Variants in GPR137B observed in about 807,000 individuals in gnomAD.
GPR137B encodes integral membrane protein GPR137B.
GPR137B carries 42 observed loss-of-function variants against 42.5 expected under a neutral mutation model. That is an observed-to-expected ratio of 0.99 (90% confidence interval 0.77 to 1.28). GPR137B has a LOEUF of 1.28. Among genes scored for constraint, GPR137B ranks in the 50% most tolerant of loss-of-function variants. The probability of loss-of-function intolerance (pLI) is 0.00; values close to 1 mark genes in which losing one functional copy is unlikely to be tolerated. For missense variants in GPR137B, 487 were observed against 493.9 expected, an observed-to-expected ratio of 0.99 and a Z score of 0.13; for synonymous variants, 218 against 209.7, an observed-to-expected ratio of 1.04 and a Z score of -0.34.
chr1:236,153,272 A>G (rs1661922500), intron 1 of GPR137B, among the ~76,000 whole-genome samples: 1 of 152,084 alleles, frequency 6.6e-6, no homozygotes. Context: ...TTAAGCAATC[A>G]CTACTCAGTC....
chr1:236,168,201 C>A (rs1348870076), intron 1 of GPR137B, among the ~76,000 whole-genome samples: 2 of 151,922 alleles, frequency 1.3e-5, no homozygotes, highest in African/African-American at 4.8e-5. Flanking sequence ...CTGAGGTGGG[C>A]AGATCACCTG....
rs762287985 is a variant in GPR137B at position 236,208,155 on chromosome 1, G to T, written c.1197G>T (p.Gly399=). Residue 399 remains glycine (G), a synonymous_variant, in exon 7 of 7, where the codon GGG becomes GGT. Transcript: ENST00000366592. The part of the protein sequence containing the change: ...STLDPDKPSL[G] ...TGGATCCTGACAAACCAAGCCTTGG[G>T]TAGCATCAGTTAACAGTTTTATGGA... 1 of 1,613,554 alleles carries T rather than the reference G, an allele frequency of 6.2e-7. No homozygotes were observed. The highest frequency in any genetic ancestry group is 8.5e-7 in the Non-Finnish European group (1 of 1,179,662).
intron 3 of GPR137B, 51 bp from the exon 4 acceptor site, chr1:236,179,828 C>T: frequency 1.4e-6 from 2 of 1,407,934 alleles, no homozygotes; most frequent in Non-Finnish European, 1.9e-6. Flanking sequence ...GGGGAAGGGG[C>T]TGGTGTCTTG....
chr1:236,186,277 A>ATATATATAATAT (rs1553365185), intron 5 of GPR137B, among the ~76,000 whole-genome samples: 1 of 17,958 alleles, frequency 5.6e-5, no homozygotes, highest in African/African-American at 2.2e-4. Flanking sequence ...TATTATATAT[A>ATATATATAATAT]ATAATATAAA....
intron 1 of GPR137B, 115 bp downstream of exon 1, chr1:236,143,151 G>T (rs773429620): frequency 4.8e-5 from 41 of 859,844 alleles, no homozygotes; most frequent in Non-Finnish European, 6.5e-5. Flanking sequence ...GGCTGAGAGT[G>T]TAGGGAGAAG....
At chr1:236,172,758 C>T (rs1301942222) in intron 2 of GPR137B, among the ~76,000 whole-genome samples, 2 of 150,832 alleles carry the variant, frequency 1.3e-5, no homozygotes, top group East Asian at 3.9e-4. Flanking sequence ...AATCATAGCT[C>T]ACTATAGCTT....
At position 236,150,856 on chromosome 1, in the gene GPR137B, G is replaced by A. The variant is rs944313478; in HGVS notation, c.414+7820G>A. ...CAGTGGAGTTCCAGGGCCCAGCCAT[G>A]GCTGTCCCGCTGCTGCTGTGCCCAC... On this transcript the variant is annotated intron_variant, in intron 1 of 6. Coordinates refer to ENST00000366592, the MANE Select transcript of GPR137B (RefSeq NM_003272.4). The surrounding 1 kb of genome is among the most constrained non-coding windows in gnomAD (Gnocchi z 6.2). Among the ~76,000 whole-genome samples, 1 of 152,220 alleles carries A rather than the reference G, an allele frequency of 6.6e-6. No homozygotes were observed. The highest frequency in any genetic ancestry group is 1.5e-5 in the Non-Finnish European group (1 of 68,036).
In GPR137B at chr1:236,184,407, A is replaced by G. The variant is rs538667860; in HGVS notation, c.966+501A>G. On this transcript the variant is annotated intron_variant, in intron 5 of 6. Transcript: ENST00000366592. ...CCTAGTTTGGTCACATTGCTGTTCA[A>G]CCAACTTTATATGAATGTCTTTATG... Among the ~76,000 whole-genome samples, 273 of 152,330 alleles carry G rather than the reference A, an allele frequency of 1.8e-3. 1 individual carries two copies. The highest frequency in any genetic ancestry group is 3.4e-3 in the Middle Eastern group (1 of 294).
Position 236,208,730 on chromosome 1 carries a change from CTT to C in GPR137B, c.*574_*575del. 1.8e-5 allele frequency: 18 copies of C among 984,818 alleles called. No individual in the cohort carries two copies. Among genetic ancestry groups the C allele is most frequent in the Non-Finnish European group, 2.2e-5 (18 of 829,380 alleles). The allele number at this position is 984,818 out of a possible 1,614,324, so 61.0% of individuals were successfully genotyped here. A position where few individuals can be genotyped will look rare whatever the true frequency, so the allele number is the denominator to read the frequency against. On this transcript the variant is annotated 3_prime_UTR_variant, in exon 7 of 7. Transcript: ENST00000366592. Reference sequence around the variant, plus strand: ...ATGGTAAAGCAGCAGACTGTAAGGTCTTTAGAGATTTTTTTTTTAAGGTTCAG... The same window carrying C: ...ATGGTAAAGCAGCAGACTGTAAGGTCTAGAGATTTTTTTTTTAAGGTTCAG...
At chr1:236,177,602 G>A (rs1009334323) in intron 2 of GPR137B, among the ~76,000 whole-genome samples, 8 of 151,950 alleles carry the variant, frequency 5.3e-5, no homozygotes, top group African/African-American at 1.7e-4. Context: ...TGTGCCCCAG[G>A]CTGGAGTGCA....
intron 5 of GPR137B, among the ~76,000 whole-genome samples, chr1:236,203,534 TG>T (rs1253838562): frequency 6.6e-6 from 1 of 152,224 alleles, no homozygotes; most frequent in Non-Finnish European, 1.5e-5. Context: ...ATTTTAGGAT[TG>T]TTTTTTCTAT....
chr1:236,180,843 C>T (rs377026500), intron 4 of GPR137B, among the ~76,000 whole-genome samples: 1 of 152,074 alleles, frequency 6.6e-6, no homozygotes, highest in East Asian at 1.9e-4. Context: ...GTCTCGAACT[C>T]CTACCTCAGG....
In GPR137B at chr1:236,208,335, AG is replaced by A; in HGVS notation, c.*178del. 7.6e-7 allele frequency: 1 copy of A among 1,318,994 alleles called. No individual in the cohort carries two copies. The highest frequency in any genetic ancestry group is 2.6e-5 in the East Asian group (1 of 37,772). 81.7% of individuals were successfully genotyped at this position (1,318,994 alleles called of 1,614,324 possible). ...ATGTAGACTGATAAACCCTTATTTTAGTACTAAAGAGGGAGCCTTGCTATTT... is the reference window on the plus strand; with the variant it reads ...ATGTAGACTGATAAACCCTTATTTTATACTAAAGAGGGAGCCTTGCTATTT... On this transcript the variant is annotated 3_prime_UTR_variant, in exon 7 of 7. Coordinates refer to ENST00000366592, the MANE Select transcript of GPR137B (RefSeq NM_003272.4).
intron 5 of GPR137B, among the ~76,000 whole-genome samples, chr1:236,195,581 A>C (rs1249468758): frequency 6.6e-6 from 1 of 152,220 alleles, no homozygotes; most frequent in Non-Finnish European, 1.5e-5. Flanking sequence ...GATTGCAGAT[A>C]TCTCTTCAAT....
intron 3 of GPR137B, 65 bp from the exon 4 acceptor site, chr1:236,179,814 G>A (rs1264343196): frequency 1.6e-6 from 2 of 1,225,166 alleles, no homozygotes; most frequent in Admixed American, 2.5e-5. Flanking sequence ...AGCAGGTGGG[G>A]GCTGGGGAAG....
At chr1:236,182,053 G>A (rs779825568) in intron 4 of GPR137B, among the ~76,000 whole-genome samples, 2 of 151,784 alleles carry the variant, frequency 1.3e-5, no homozygotes, top group Non-Finnish European at 2.9e-5. Context: ...CCACCATGCC[G>A]GCTAATTTTT....
chr1:236,169,121 G>C (rs184488322), intron 2 of GPR137B, among the ~76,000 whole-genome samples: 2 of 152,320 alleles, frequency 1.3e-5, no homozygotes, highest in Admixed American at 1.3e-4. Flanking sequence ...TGAAGATGCA[G>C]TGCTTTGCCA....
At chr1:236,193,941 G>A (rs997926672) in intron 5 of GPR137B, among the ~76,000 whole-genome samples, 10 of 152,142 alleles carry the variant, frequency 6.6e-5, no homozygotes, top group South Asian at 4.1e-4. Context: ...TTGCCACATC[G>A]TATACTGATG....
chr1:236,147,298 G>A (rs1661708722), intron 1 of GPR137B, among the ~76,000 whole-genome samples: 1 of 152,220 alleles, frequency 6.6e-6, no homozygotes, highest in African/African-American at 2.4e-5. Context: ...TCGGCCTCTG[G>A]TCTTGCTCTG....
Sources: gnomAD v4.1 joint callset for allele counts (sites outside exome capture counted in the v4.1 genomes callset) on GRCh38, gnomAD v4.1.1 for gene constraint, Gnocchi (gnomAD v3.1) non-coding constraint, MANE v1.5 for transcripts, NCBI Gene and HGNC (gene_info 2026-07-23, HGNC 2026-07-21) for gene names.